The following PARP1 variants were observed in gnomAD, a reference collection of about 807,000 sequenced individuals.
PARP1 encodes the protein poly(ADP-ribose) polymerase 1, also known as poly [ADP-ribose] polymerase 1.
In PARP1, 44 loss-of-function variants were observed where a neutral mutation model predicts 118.7. The observed-to-expected ratio is 0.37, with a 90% confidence interval of 0.29 to 0.48. The LOEUF is 0.48. Ranked by LOEUF, PARP1 falls within the 20% of genes least tolerant of loss-of-function variation. The probability of loss-of-function intolerance (pLI) is 0.99; values close to 1 mark genes in which losing one functional copy is unlikely to be tolerated. For synonymous variants in PARP1, 492 were observed against 483.2 expected, an observed-to-expected ratio of 1.02 and a Z score of -0.24; for missense variants, 1,100 against 1,272.4, an observed-to-expected ratio of 0.86 and a Z score of 2.06.
intron 19 of PARP1, 63 bp from the exon 20 acceptor site, chr1:226,364,133 C>T: frequency 1.9e-6 from 3 of 1,571,856 alleles, no homozygotes; most frequent in South Asian, 1.1e-5. Flanking sequence ...CAGCTGTTCA[C>T]TGAGTGCCAA....
intron 1 of PARP1, among the ~76,000 whole-genome samples, chr1:226,403,186 C>T (rs773899348): frequency 6.6e-6 from 1 of 152,196 alleles, no homozygotes; most frequent in Admixed American, 6.5e-5. Context: ...TCCCAGGCCT[C>T]GAGCACTGTC....
chr1:226,370,726 T>C, intron 14 of PARP1: 1 of 622,434 alleles, frequency 1.6e-6, no homozygotes, highest in Non-Finnish European at 2.9e-6. Context: ...TCTTGCTCAC[T>C]TCCTTTACGG....
At chr1:226,385,957 A>C (rs1482680162) in intron 6 of PARP1, among the ~76,000 whole-genome samples, 2 of 152,176 alleles carry the variant, frequency 1.3e-5, no homozygotes, top group Admixed American at 1.3e-4. Context: ...GGCATTGCAG[A>C]AAGTACAGTG....
intron 1 of PARP1, among the ~76,000 whole-genome samples, chr1:226,405,983 A>T (rs888797701): frequency 6.6e-6 from 1 of 152,206 alleles, no homozygotes; most frequent in Non-Finnish European, 1.5e-5. Flanking sequence ...CTCGAAAAGG[A>T]AACACTGAGA....
intron 2 of PARP1, among the ~76,000 whole-genome samples, chr1:226,394,012 G>A (rs1664867953): frequency 6.6e-6 from 1 of 152,206 alleles, no homozygotes; most frequent in African/African-American, 2.4e-5. Flanking sequence ...GTAAAAACAT[G>A]TTATGACAAA....
At chr1:226,362,317 C>T in intron 21 of PARP1, 1 of 492,534 alleles carries the variant, frequency 2.0e-6, no homozygotes, top group Non-Finnish European at 3.7e-6. Context: ...TCCTGAGTAG[C>T]TGGGATTACA....
chr1:226,367,394 A>C, intron 17 of PARP1, 86 bp downstream of exon 17: 2 of 1,510,788 alleles, frequency 1.3e-6, no homozygotes, highest in Non-Finnish European at 1.8e-6. Flanking sequence ...CAAGCTTTCC[A>C]GGAGATCCTA....
chr1:226,379,938 G>A lies in PARP1; in HGVS notation c.1527C>T (p.Gly509=). The change falls in exon 10 of 23, where the codon GGC becomes GGT. Residue 509 remains glycine (G), a synonymous_variant. Transcript: ENST00000366794. ...SGAALSKKSK[G]QVKEEGINKS... ...GGCCCTCACCTTCCTCCTTGACCTG[G>A]CCCTTGCTTTTTTTGGAGAGCGCAG... is the stretch of plus-strand genomic sequence containing the variant. 6 of 1,613,930 alleles carry A rather than the reference G, an allele frequency of 3.7e-6. No homozygotes were observed. Among genetic ancestry groups the A allele is most frequent in the Non-Finnish European group, 5.1e-6 (6 of 1,180,014 alleles).
chr1:226,404,456 T>C (rs1223344905), intron 1 of PARP1, among the ~76,000 whole-genome samples: 1 of 152,220 alleles, frequency 6.6e-6, no homozygotes, highest in Admixed American at 6.5e-5. Flanking sequence ...TACCCTTGTA[T>C]AAAGAGCACA....
chr1:226,364,873 G>C (rs1193109268), intron 19 of PARP1, 129 bp downstream of exon 19: 5 of 1,034,376 alleles, frequency 4.8e-6, no homozygotes, highest in Middle Eastern at 3.1e-4. Flanking sequence ...GAGGATAAAA[G>C]GGTGAAGGCC....
chr1:226,379,387 C>A (rs1221082012), intron 11 of PARP1, 113 bp from the exon 12 acceptor site: 7 of 1,400,318 alleles, frequency 5.0e-6, no homozygotes, highest in African/African-American at 1.4e-5. Context: ...ACTACCACCA[C>A]CCTCGGGAGG....
At chr1:226,390,366 C>A (rs769892555) in intron 4 of PARP1, 44 bp downstream of exon 4, 1 of 1,557,648 alleles carries the variant, frequency 6.4e-7, no homozygotes, top group Non-Finnish European at 8.8e-7. Context: ...CTCCCTTGAA[C>A]CCCTCACTGA....
At chr1:226,369,866 A>T (rs558463099) in intron 15 of PARP1, among the ~76,000 whole-genome samples, 1 of 152,014 alleles carries the variant, frequency 6.6e-6, no homozygotes, top group African/African-American at 2.4e-5. Context: ...CTGAGGCACG[A>T]GAACCGCTTG....
chr1:226,380,261 C>T, intron 9 of PARP1, 97 bp from the exon 10 acceptor site: 1 of 1,212,986 alleles, frequency 8.2e-7, no homozygotes, highest in Non-Finnish European at 1.2e-6. Context: ...ACTTCCAAAC[C>T]CTCAGCATTC....
intron 5 of PARP1, 134 bp from the exon 6 acceptor site, chr1:226,386,576 G>T (rs2102739099): frequency 1.3e-6 from 1 of 757,538 alleles, no homozygotes; most frequent in African/African-American, 1.7e-5. Flanking sequence ...AAATCTGGGT[G>T]ATTAGCACAG....
At chr1:226,388,473 T>C (rs1409668523) in intron 5 of PARP1, among the ~76,000 whole-genome samples, 183 bp downstream of exon 5, 1 of 152,186 alleles carries the variant, frequency 6.6e-6, no homozygotes, top group Non-Finnish European at 1.5e-5. Flanking sequence ...CTCTTCCAAA[T>C]AAAAATGGTT....
At chr1:226,364,143 A>G (rs1198923611) in intron 19 of PARP1, 73 bp from the exon 20 acceptor site, 1 of 1,506,228 alleles carries the variant, frequency 6.6e-7, no homozygotes, top group Non-Finnish European at 9.2e-7. Flanking sequence ...CTGAGTGCCA[A>G]CTTGAGCAAG....
chr1:226,365,821 G>C (rs1160419465), intron 18 of PARP1, 133 bp downstream of exon 18: 1 of 665,466 alleles, frequency 1.5e-6, no homozygotes, highest in African/African-American at 1.8e-5. Context: ...TTTTTCTGCT[G>C]AACAAATGAG....
intron 2 of PARP1, among the ~76,000 whole-genome samples, chr1:226,397,605 T>C (rs1367951727): frequency 6.6e-6 from 1 of 152,238 alleles, no homozygotes; most frequent in Non-Finnish European, 1.5e-5. Context: ...TGTGTCATGA[T>C]ACTTGTGAGT....
Sources: gnomAD v4.1 joint callset for allele counts (sites outside exome capture counted in the v4.1 genomes callset) on GRCh38, gnomAD v4.1.1 for gene constraint, MANE v1.5 for transcripts, NCBI Gene and HGNC (gene_info 2026-07-23, HGNC 2026-07-21) for gene names.